Variants in SPECC1 observed in about 807,000 individuals in gnomAD.
SPECC1 encodes the protein sperm antigen with calponin homology and coiled-coil domains 1.
SPECC1 carries 62 observed loss-of-function variants against 104.1 expected under a neutral mutation model. The ratio of observed to expected loss-of-function variants is 0.60; its 90% CI spans 0.49 to 0.74. The LOEUF (loss-of-function observed/expected upper bound fraction) is 0.74. Ranked by LOEUF, SPECC1 falls within the 30% of genes least tolerant of loss-of-function variation. The pLI is 0.00. For missense variants in SPECC1, 1,306 were observed against 1,310.5 expected (o/e 1.00, Z 0.05); for synonymous variants, 513 against 501.6 (o/e 1.02, Z -0.30).
intron 3 of SPECC1, among the ~76,000 whole-genome samples, chr17:20,140,350 C>T (rs912344850): frequency 1.3e-5 from 2 of 151,910 alleles, no homozygotes; most frequent in African/African-American, 2.4e-5. Flanking sequence ...TGAGAAAGAA[C>T]GAAAATACTT....
At chr17:20,301,590 T>C (rs1398222739) in intron 13 of SPECC1, among the ~76,000 whole-genome samples, 3 of 152,086 alleles carry the variant, frequency 2.0e-5, no homozygotes, top group African/African-American at 7.2e-5. Flanking sequence ...ATGTCTGACA[T>C]TGGTATTAAG....
intron 4 of SPECC1, among the ~76,000 whole-genome samples, chr17:20,219,718 G>A (rs1216811415): frequency 1.3e-5 from 2 of 152,102 alleles, no homozygotes; most frequent in African/African-American, 4.8e-5. Context: ...TTGGTATTCT[G>A]TGCTTTTGGG....
chr17:20,155,874 T>C, intron 3 of SPECC1: 1 of 1,073,842 alleles, frequency 9.3e-7, no homozygotes, highest in Non-Finnish European at 1.2e-6. Flanking sequence ...GAAATACAGA[T>C]GAGGTGGGCG....
At chr17:20,100,742 T>C (rs909391062) in intron 2 of SPECC1, among the ~76,000 whole-genome samples, 2 of 152,216 alleles carry the variant, frequency 1.3e-5, no homozygotes, top group African/African-American at 2.4e-5. Flanking sequence ...TGCTTTGCTG[T>C]GCCTATCAAC....
At chr17:20,241,813 C>G (rs2039216450) in intron 7 of SPECC1, among the ~76,000 whole-genome samples, 2 of 152,182 alleles carry the variant, frequency 1.3e-5, no homozygotes, top group African/African-American at 4.8e-5. Flanking sequence ...TGAAAAACTT[C>G]TGTTAGATTT....
intron 3 of SPECC1, among the ~76,000 whole-genome samples, chr17:20,115,103 G>A (rs2048692846): frequency 6.6e-6 from 1 of 152,012 alleles, no homozygotes; most frequent in African/African-American, 2.4e-5. Flanking sequence ...TAGATCTAAT[G>A]TATACTGCAT....
Position 20,113,793 on chromosome 17 carries a change from A to G in SPECC1, c.283+3231A>G, listed in dbSNP as rs185442448. On this transcript the variant is annotated intron_variant, in intron 3 of 14. Coordinates refer to ENST00000395527, the MANE Select transcript of SPECC1 (RefSeq NM_001243439.2). The stretch of plus-strand genomic sequence containing the variant: ...AACACCAGACCAAGCAATTCTGTCT[A>G]TTCACACTATTAGCCTAGTTTTCTC... 3.4e-3 allele frequency among the ~76,000 whole-genome samples: 514 copies of G among 152,360 alleles called. 3 individuals are homozygous for G. The highest frequency in any genetic ancestry group is 0.012 in the African/African-American group (486 of 41,582).
chr17:20,196,355 G>A (rs141073104), intron 3 of SPECC1, among the ~76,000 whole-genome samples: 2 of 152,270 alleles, frequency 1.3e-5, no homozygotes, highest in Non-Finnish European at 2.9e-5. Context: ...CTTAGGACAC[G>A]CCAGGCAGAA....
Position 20,204,654 on chromosome 17 carries a change from C to G in SPECC1, c.605C>G (p.Ala202Gly), listed in dbSNP as rs1229242125. Reference sequence around the variant, plus strand: ...TACAAAGAGAAAAGGACTCTGAACGCTGAGGGGACTGATGCTTTGGGCCCA... The same window carrying G: ...TACAAAGAGAAAAGGACTCTGAACGGTGAGGGGACTGATGCTTTGGGCCCA... Reference protein sequence around the residue: ...KKYKEKRTLNAEGTDALGPNV... With the variant: ...KKYKEKRTLNGEGTDALGPNV... The change falls in exon 4 of 15, where the codon GCT (alanine) becomes GGT (glycine). Residue 202 changes from alanine to glycine, a missense_variant. This residue lies in a region of SPECC1 where 1,177 missense variants were observed against 1,139.9 expected (regional missense o/e 1.03). Coordinates refer to ENST00000395527, the MANE Select transcript of SPECC1 (RefSeq NM_001243439.2). The G allele has an allele frequency of 6.2e-7, 1 of 1,614,044 alleles. No homozygotes were observed. Among genetic ancestry groups the G allele is most frequent in the Non-Finnish European group, 8.5e-7 (1 of 1,180,000 alleles).
intron 7 of SPECC1, among the ~76,000 whole-genome samples, chr17:20,240,779 G>A (rs2039166607): frequency 6.6e-6 from 1 of 152,128 alleles, no homozygotes; most frequent in South Asian, 2.1e-4. Flanking sequence ...TAGATTATTA[G>A]ATTGCTTATA....
At chr17:20,075,986 C>T (rs1401696647) in intron 1 of SPECC1, among the ~76,000 whole-genome samples, 1 of 151,974 alleles carries the variant, frequency 6.6e-6, no homozygotes, top group Non-Finnish European at 1.5e-5. Flanking sequence ...AATAATTAGC[C>T]AGGTGTGGTG....
chr17:20,241,022 C>T (rs1237807643), intron 7 of SPECC1, among the ~76,000 whole-genome samples: 3 of 152,334 alleles, frequency 2.0e-5, no homozygotes, highest in South Asian at 4.1e-4. Context: ...TGACGTTTGC[C>T]CCAGGTCCGT....
chr17:20,108,022 T>C (rs2048317661), intron 2 of SPECC1, among the ~76,000 whole-genome samples: 1 of 152,156 alleles, frequency 6.6e-6, no homozygotes. Flanking sequence ...AAAAGACTTC[T>C]ACCGTCATCC....
In SPECC1 at chr17:20,204,346, A is replaced by T; in HGVS notation, c.297A>T (p.Thr99=). ...TCTGTCTTTAAGGGGCCTTTACAAC[A>T]ACTAAACGGACAGGCATTCCAGCCC... is the stretch of plus-strand genomic sequence containing the variant. The part of the protein sequence containing the change: ...RLRSGTGAFT[T]TKRTGIPAPR... Residue 99 remains threonine (T), a synonymous_variant, in exon 4 of 15, where the codon ACA becomes ACT. Coordinates refer to ENST00000395527, the MANE Select transcript of SPECC1 (RefSeq NM_001243439.2). 2 of 1,610,936 alleles carry T rather than the reference A, an allele frequency of 1.2e-6. No individual in the cohort carries two copies. Among genetic ancestry groups the T allele is most frequent in the Non-Finnish European group, 1.7e-6 (2 of 1,179,130 alleles).
At chr17:20,137,780 C>T (rs769263399) in intron 3 of SPECC1, among the ~76,000 whole-genome samples, 33 of 151,812 alleles carry the variant, frequency 2.2e-4, no homozygotes, top group Non-Finnish European at 3.4e-4. Flanking sequence ...ATTCTCATAC[C>T]TCAGCCTCCT....
chr17:20,209,004 C>G (rs2036963623), intron 4 of SPECC1, among the ~76,000 whole-genome samples: 1 of 152,142 alleles, frequency 6.6e-6, no homozygotes, highest in Non-Finnish European at 1.5e-5. Flanking sequence ...TGAATTTTTT[C>G]TACAGCTAAT....
intron 3 of SPECC1, among the ~76,000 whole-genome samples, chr17:20,186,453 A>G (rs1419772894): frequency 6.6e-6 from 1 of 152,234 alleles, no homozygotes; most frequent in Non-Finnish European, 1.5e-5. Flanking sequence ...TTCAATTTGT[A>G]AGAAATGTAT....
At chr17:20,155,975 G>A in intron 3 of SPECC1, 1 of 1,261,642 alleles carries the variant, frequency 7.9e-7, no homozygotes, top group African/African-American at 1.6e-5. Context: ...GGGGCGGGCC[G>A]CGAGGGCGGG....
rs995159992 is a variant in SPECC1 at position 20,316,042 on chromosome 17, C to G, written c.*1977C>G. 1 of 232,806 alleles carries G rather than the reference C, an allele frequency of 4.3e-6. No homozygotes were observed. The highest frequency in any genetic ancestry group is 2.2e-5 in the African/African-American group (1 of 45,458). 14.4% of individuals were successfully genotyped at this position (232,806 alleles called of 1,614,324 possible). A position where few individuals can be genotyped will look rare whatever the true frequency, so the allele number is the denominator to read the frequency against. On this transcript the variant is annotated 3_prime_UTR_variant, in exon 15 of 15. Coordinates refer to ENST00000395527, the MANE Select transcript of SPECC1 (RefSeq NM_001243439.2). Reference sequence around the variant, plus strand: ...CAAGGCAGGCAGCCTGCGGGAGCTCCTGAGCAGCTGTTGGGCGATGGTCAT... The same window carrying G: ...CAAGGCAGGCAGCCTGCGGGAGCTCGTGAGCAGCTGTTGGGCGATGGTCAT...
Sources: gnomAD v4.1 joint callset for allele counts (sites outside exome capture counted in the v4.1 genomes callset) on GRCh38, gnomAD v4.1.1 for gene constraint, gnomAD v4.1.1 regional missense constraint, MANE v1.5 for transcripts, NCBI Gene and HGNC (gene_info 2026-07-23, HGNC 2026-07-21) for gene names.